The following FAM171A1 variants were observed in gnomAD, a reference collection of about 807,000 sequenced individuals.
The protein encoded by FAM171A1 is protein FAM171A1.
FAM171A1 carries 23 observed loss-of-function variants against 74.9 expected under a neutral mutation model. The ratio of observed to expected loss-of-function variants is 0.31; its 90% CI spans 0.22 to 0.44. The LOEUF (loss-of-function observed/expected upper bound fraction) is 0.44, where lower values mean the gene tolerates loss of function less well. Among genes scored for constraint, FAM171A1 ranks in the 20% least tolerant of loss-of-function variants. The pLI is 1.00. For missense variants in FAM171A1, 1,162 were observed against 1,159.2 expected (o/e 1.00, Z -0.03); for synonymous variants, 527 against 505.7 (o/e 1.04, Z -0.57).
chr10:15,266,272 G>C (rs772541242), intron 3 of FAM171A1, among the ~76,000 whole-genome samples: 80 of 152,114 alleles, frequency 5.3e-4, no homozygotes, highest in Admixed American at 8.5e-4. Context: ...AGAGCTGCTG[G>C]GTCCCACCTG....
chr10:15,246,762 A>G (rs1834440023), intron 5 of FAM171A1, among the ~76,000 whole-genome samples: 1 of 152,172 alleles, frequency 6.6e-6, no homozygotes. Flanking sequence ...ACCACAAGTG[A>G]TCTGCCCGCC....
At chr10:15,317,809 G>A (rs1835440685) in intron 1 of FAM171A1, among the ~76,000 whole-genome samples, 1 of 151,924 alleles carries the variant, frequency 6.6e-6, no homozygotes, top group Non-Finnish European at 1.5e-5. Context: ...TTTACTTTTT[G>A]AGACAGGGTC....
intron 1 of FAM171A1, among the ~76,000 whole-genome samples, chr10:15,318,957 G>C (rs1396822775): frequency 6.6e-6 from 1 of 152,230 alleles, no homozygotes; most frequent in African/African-American, 2.4e-5. Flanking sequence ...AAACACTTGA[G>C]AGGGGACCAA....
At chr10:15,358,485 C>T (rs1190428320) in intron 1 of FAM171A1, among the ~76,000 whole-genome samples, 3 of 152,168 alleles carry the variant, frequency 2.0e-5, no homozygotes, top group Non-Finnish European at 4.4e-5. Flanking sequence ...ACTCACCAGT[C>T]GCTGGGTTCA....
At chr10:15,279,463 T>C (rs551582313) in intron 2 of FAM171A1, among the ~76,000 whole-genome samples, 1 of 152,004 alleles carries the variant, frequency 6.6e-6, no homozygotes, top group East Asian at 1.9e-4. Flanking sequence ...GCTGCTTTTT[T>C]CCCATCACAG....
intron 5 of FAM171A1, among the ~76,000 whole-genome samples, chr10:15,245,304 TG>T (rs1834417929): frequency 6.6e-6 from 1 of 152,176 alleles, no homozygotes; most frequent in South Asian, 2.1e-4. Flanking sequence ...TGACCTCAGG[TG>T]ATCTGCCTGT....
intron 1 of FAM171A1, among the ~76,000 whole-genome samples, chr10:15,308,414 T>G (rs528965057): frequency 6.6e-6 from 1 of 152,224 alleles, no homozygotes; most frequent in African/African-American, 2.4e-5. Context: ...AAGCAGAAAG[T>G]TTTTAAAGAT....
At position 15,213,577 on chromosome 10, in the gene FAM171A1, C is replaced by T; in HGVS notation, c.2011G>A (p.Ala671Thr). 6.2e-7 allele frequency: 1 copy of T among 1,614,176 alleles called. No homozygotes were observed. The highest frequency in any genetic ancestry group is 2.2e-5 in the East Asian group (1 of 44,872). Residue 671 changes from alanine to threonine, a missense_variant, in exon 8 of 8, where the codon GCT (alanine) becomes ACT (threonine). Ala to Thr is a moderately conservative substitution (Grantham distance 58). Transcript: ENST00000378116. The surrounding 1 kb of genome is among the most constrained non-coding windows in gnomAD (Gnocchi z 6.8). ...GCCAAAGCCGCGTCGTTCAGGGAAG[C>T]TGGGATGGAGAGAGACTCCGACATG... is the stretch of plus-strand genomic sequence containing the variant. ...ASMSESLSIP[A>T]SLNDAALAQM...
chr10:15,282,235 G>A (rs147245913), intron 2 of FAM171A1, among the ~76,000 whole-genome samples: 241 of 152,114 alleles, frequency 1.6e-3, no homozygotes, highest in Non-Finnish European at 2.5e-3. Context: ...TGATTCTACC[G>A]TTTCAAATGA....
intron 1 of FAM171A1, among the ~76,000 whole-genome samples, chr10:15,324,921 C>T (rs986873303): frequency 2.6e-5 from 4 of 152,180 alleles, no homozygotes; most frequent in South Asian, 2.1e-4. Flanking sequence ...TGCAGTGACT[C>T]GTTACAGCCA....
At chr10:15,297,791 A>T (rs1174732340) in intron 1 of FAM171A1, among the ~76,000 whole-genome samples, 1 of 152,224 alleles carries the variant, frequency 6.6e-6, no homozygotes, top group Non-Finnish European at 1.5e-5. Context: ...TACCCTAATA[A>T]GTTAAACAGC....
In FAM171A1 at chr10:15,254,872, C is replaced by A; in HGVS notation, c.426G>T (p.Arg142=). 1 of 1,613,646 alleles carries A rather than the reference C, an allele frequency of 6.2e-7. No individual in the cohort carries two copies. ...TCTGGAAATGAACGCGAGGCTGTGG[C>A]CGGGCACCTGCAGAGATTAACCTCC... ...VQIVSGFQGA[R]PQPRVHFQRR... is the part of the protein sequence containing the mutation. The change falls in exon 4 of 8, where the codon CGG becomes CGT. Residue 142 remains arginine (R), a synonymous_variant. Coordinates refer to ENST00000378116, the MANE Select transcript of FAM171A1 (RefSeq NM_001010924.2).
At chr10:15,327,966 T>C (rs1835576953) in intron 1 of FAM171A1, among the ~76,000 whole-genome samples, 2 of 150,200 alleles carry the variant, frequency 1.3e-5, no homozygotes, top group Non-Finnish European at 1.5e-5. Flanking sequence ...AGAGATTACC[T>C]AATTAGTAAT....
intron 1 of FAM171A1, among the ~76,000 whole-genome samples, chr10:15,300,296 T>C (rs1361373117): frequency 6.6e-6 from 1 of 152,306 alleles, no homozygotes; most frequent in East Asian, 1.9e-4. Context: ...AGAATGCACA[T>C]TTCACGACCA....
At chr10:15,283,519 T>C (rs1052043615) in intron 2 of FAM171A1, among the ~76,000 whole-genome samples, 2 of 152,230 alleles carry the variant, frequency 1.3e-5, no homozygotes, top group African/African-American at 4.8e-5. Flanking sequence ...GTTTGCTCGT[T>C]AAAATGCAAA....
intron 1 of FAM171A1, among the ~76,000 whole-genome samples, chr10:15,334,314 T>C (rs937610917): frequency 2.0e-5 from 3 of 152,236 alleles, no homozygotes; most frequent in Non-Finnish European, 4.4e-5. Context: ...TCTCCTTGCA[T>C]GCCATTTACT....
rs745619143 is a variant in FAM171A1 at position 15,275,930 on chromosome 10, G to C, written c.343C>G (p.Leu115Val). The change falls in exon 3 of 8, where the codon CTT (leucine) becomes GTT (valine). Residue 115 changes from leucine to valine, a missense_variant. Physicochemically the swap from Leu to Val is conservative, Grantham distance 32 (BLOSUM62 1). Coordinates refer to ENST00000378116, the MANE Select transcript of FAM171A1 (RefSeq NM_001010924.2). ...IRLPVFSSLS[L>V]GLLPERSATL... is the part of the protein sequence containing the mutation. ...GCAGAGCGTTCTGGAAGCAGGCCAA[G>C]GCTCAGAGAGGAAAATACTGCAGGA... The C allele has an allele frequency of 6.2e-7, 1 of 1,611,312 alleles. No homozygotes were observed.
In FAM171A1 at chr10:15,214,372, C is replaced by T. The variant is rs200052994; in HGVS notation, c.1216G>A (p.Gly406Ser). 15 of 1,612,886 alleles carry T rather than the reference C, an allele frequency of 9.3e-6. No homozygotes were observed. The highest frequency in any genetic ancestry group is 2.7e-5 in the African/African-American group (2 of 74,884). Residue 406 changes from glycine (G) to serine (S), a missense_variant, in exon 8 of 8, where the codon GGC becomes AGC. Transcript: ENST00000378116. ...GVHLEMMSPGGEGDLHTPMLK... is the reference protein window; with the variant it reads ...GVHLEMMSPGSEGDLHTPMLK... The stretch of plus-strand genomic sequence containing the variant: ...ATGGGGGTGTGCAGGTCCCCTTCGC[C>T]GCCCGGAGACATCATTTCCAAATGG...
intron 7 of FAM171A1, 60 bp downstream of exon 7, chr10:15,215,936 T>G: frequency 9.3e-7 from 1 of 1,071,488 alleles, no homozygotes. Context: ...TGCTTCTAAG[T>G]ATCAATTGCC....
Sources: gnomAD v4.1 joint callset for allele counts (sites outside exome capture counted in the v4.1 genomes callset) on GRCh38, gnomAD v4.1.1 for gene constraint, Gnocchi (gnomAD v3.1) non-coding constraint, MANE v1.5 for transcripts, NCBI Gene and HGNC (gene_info 2026-07-23, HGNC 2026-07-21) for gene names.